The following CNTN5 variants were observed in gnomAD, a reference collection of about 807,000 sequenced individuals.
The protein encoded by CNTN5 is contactin 5, also known as contactin-5.
A neutral mutation model predicts 129.1 loss-of-function variants in CNTN5; 77 were observed. The observed-to-expected ratio is 0.60, with a 90% confidence interval of 0.50 to 0.72. The LOEUF is 0.72. CNTN5 is among the 30% of genes least tolerant of loss of function. The pLI is 0.00. For synonymous variants in CNTN5, 509 were observed against 465.6 expected (o/e 1.09, Z -1.20); for missense variants, 1,478 against 1,328.8 (o/e 1.11, Z -1.75).
rs532263354 is a variant in CNTN5, at chr11:99,890,959, G to A, written c.578-25095G>A. Among the ~76,000 whole-genome samples the A allele has an allele frequency of 9.5e-4, 145 of 152,146 alleles. 1 individual carries two copies. Among genetic ancestry groups the A allele is most frequent in the Admixed American group, 1.6e-3 (25 of 15,264 alleles). On this transcript the variant is annotated intron_variant, in intron 6 of 24. Coordinates refer to ENST00000524871, the MANE Select transcript of CNTN5 (RefSeq NM_014361.4). ...GAAAAAAATCAGACCATTGCCAATT[G>A]AGGGACATTTTGCAAAATAACTGAC...
At chr11:100,270,308 A>G (rs1950386297) in intron 17 of CNTN5, among the ~76,000 whole-genome samples, 1 of 152,168 alleles carries the variant, frequency 6.6e-6, no homozygotes, top group Non-Finnish European at 1.5e-5. Context: ...CAAAATCCCC[A>G]ACTCCCACCC....
At chr11:99,430,888 C>A (rs1456310985) in intron 2 of CNTN5, among the ~76,000 whole-genome samples, 2 of 151,974 alleles carry the variant, frequency 1.3e-5, no homozygotes, top group East Asian at 3.9e-4. Context: ...GCTGTCATTG[C>A]TGTTTCTGGA....
chr11:100,257,569 T>C (rs921718552), intron 17 of CNTN5, among the ~76,000 whole-genome samples: 4 of 152,108 alleles, frequency 2.6e-5, no homozygotes, highest in African/African-American at 7.2e-5. Flanking sequence ...GGTGCACCTA[T>C]GGGACTAAGC....
chr11:100,311,248 TAGG>T (rs1951467035), intron 21 of CNTN5, among the ~76,000 whole-genome samples: 3 of 151,824 alleles, frequency 2.0e-5, no homozygotes, highest in Non-Finnish European at 4.4e-5. Flanking sequence ...AAATTACATG[TAGG>T]CTATGAAAAA....
chr11:100,257,843 C>T (rs1029679816), intron 17 of CNTN5, among the ~76,000 whole-genome samples: 3 of 152,106 alleles, frequency 2.0e-5, no homozygotes, highest in African/African-American at 7.2e-5. Flanking sequence ...AAAAACAGCA[C>T]AAAAAGGCTG....
At chr11:100,160,161 A>G (rs1947396494) in intron 13 of CNTN5, among the ~76,000 whole-genome samples, 1 of 151,928 alleles carries the variant, frequency 6.6e-6, no homozygotes, top group Non-Finnish European at 1.5e-5. Context: ...TATGACTGAC[A>G]ACATGCGGTG....
intron 3 of CNTN5, among the ~76,000 whole-genome samples, chr11:99,599,195 A>G (rs899341303): frequency 2.6e-5 from 4 of 151,716 alleles, no homozygotes; most frequent in South Asian, 2.1e-4. Flanking sequence ...TTTTTTTAAC[A>G]TAAAATAAGA....
intron 1 of CNTN5, among the ~76,000 whole-genome samples, chr11:99,153,997 C>T (rs1376026667): frequency 6.6e-6 from 1 of 152,062 alleles, no homozygotes; most frequent in African/African-American, 2.4e-5. Flanking sequence ...TTTCTGGCCC[C>T]TAGAGGTTAG....
At chr11:99,909,354 C>A (rs1017651079) in intron 6 of CNTN5, among the ~76,000 whole-genome samples, 29 of 152,156 alleles carry the variant, frequency 1.9e-4, no homozygotes, top group African/African-American at 6.8e-4. Flanking sequence ...CACTTTTACA[C>A]TGTTGGTGGG....
intron 13 of CNTN5, among the ~76,000 whole-genome samples, chr11:100,086,513 T>C (rs188995353): frequency 6.7e-6 from 1 of 149,762 alleles, no homozygotes; most frequent in Non-Finnish European, 1.5e-5. Flanking sequence ...TATGTACATA[T>C]ACCAATAAAA....
chr11:99,691,917 T>C (rs1214963730), intron 3 of CNTN5, among the ~76,000 whole-genome samples: 2 of 152,156 alleles, frequency 1.3e-5, no homozygotes, highest in Non-Finnish European at 2.9e-5. Flanking sequence ...GCTTTATGAA[T>C]CTGGGTGCTC....
chr11:99,407,280 G>A (rs974204376), intron 2 of CNTN5, among the ~76,000 whole-genome samples: 29 of 152,236 alleles, frequency 1.9e-4, no homozygotes, highest in African/African-American at 5.5e-4. Context: ...GATGAATCCT[G>A]ACAGGCCTAG....
At chr11:99,903,575 G>T (rs1478102037) in intron 6 of CNTN5, among the ~76,000 whole-genome samples, 1 of 152,024 alleles carries the variant, frequency 6.6e-6, no homozygotes, top group South Asian at 2.1e-4. Flanking sequence ...CATCTAGAGG[G>T]GCTGTTCTAA....
At chr11:99,788,482 AT>A (rs1187922453) in intron 3 of CNTN5, among the ~76,000 whole-genome samples, 1 of 151,938 alleles carries the variant, frequency 6.6e-6, no homozygotes, top group African/African-American at 2.4e-5. Flanking sequence ...TAAACACATT[AT>A]TTTTATGTCA....
intron 8 of CNTN5, among the ~76,000 whole-genome samples, chr11:99,958,614 A>T (rs1013301571): frequency 6.6e-6 from 1 of 152,178 alleles, no homozygotes. Context: ...ATGTGTATAT[A>T]TTATGCCAAC....
intron 3 of CNTN5, among the ~76,000 whole-genome samples, chr11:99,601,024 T>C (rs887921452): frequency 6.6e-6 from 1 of 152,200 alleles, no homozygotes; most frequent in African/African-American, 2.4e-5. Flanking sequence ...TATTTACTTT[T>C]TGTGTTTGTT....
intron 2 of CNTN5, among the ~76,000 whole-genome samples, chr11:99,478,804 C>T (rs552265063): frequency 6.8e-4 from 103 of 152,216 alleles, no homozygotes; most frequent in African/African-American, 2.4e-3. Context: ...ATGTTTCCTA[C>T]TTTTAAAAAT....
chr11:99,142,153 C>A lies in CNTN5; in HGVS notation c.-210+120883C>A, dbSNP rs115892530. Reference sequence around the variant, plus strand: ...CTGGGACCAGGCCCACACCTTTGTTCTCTGGCTTCTTGAGGGTAAGCACCT... The same window carrying A: ...CTGGGACCAGGCCCACACCTTTGTTATCTGGCTTCTTGAGGGTAAGCACCT... On this transcript the variant is annotated intron_variant, in intron 1 of 24. Coordinates refer to ENST00000524871, the MANE Select transcript of CNTN5 (RefSeq NM_014361.4). Among the ~76,000 whole-genome samples the A allele has an allele frequency of 8.4e-3, 1,278 of 152,226 alleles. 21 individuals carry two copies. Among genetic ancestry groups the A allele is most frequent in the African/African-American group, 0.029 (1,186 of 41,522 alleles).
chr11:99,719,116 C>T (rs1606274), intron 3 of CNTN5, among the ~76,000 whole-genome samples: 5,824 of 151,974 alleles, frequency 0.038, 222 homozygotes, highest in East Asian at 0.2. Flanking sequence ...GCCAGGAGTT[C>T]GAGACCACCT....
Sources: gnomAD v4.1 joint callset for allele counts (sites outside exome capture counted in the v4.1 genomes callset) on GRCh38, gnomAD v4.1.1 for gene constraint, MANE v1.5 for transcripts, NCBI Gene and HGNC (gene_info 2026-07-23, HGNC 2026-07-21) for gene names.